Variants in BABAM2 observed in about 807,000 individuals in gnomAD.
BABAM2 encodes BRISC and BRCA1-A complex member 2.
Under a neutral mutation model 54.7 loss-of-function variants are expected in BABAM2, and 31 were observed. The observed-to-expected ratio is 0.57, with a 90% confidence interval of 0.43 to 0.77. The LOEUF (loss-of-function observed/expected upper bound fraction) is 0.77. Ranked by LOEUF, BABAM2 falls within the 30% of genes least tolerant of loss-of-function variation. The pLI is 0.00. For missense variants in BABAM2, 364 were observed against 455.8 expected, an observed-to-expected ratio of 0.80 and a Z score of 1.83; for synonymous variants, 167 against 162.9, an observed-to-expected ratio of 1.03 and a Z score of -0.19.
At chr2:28,335,040 T>G (rs1221910553) in intron 11 of BABAM2, among the ~76,000 whole-genome samples, 2 of 152,112 alleles carry the variant, frequency 1.3e-5, no homozygotes, top group African/African-American at 4.8e-5. Context: ...AGAGGGTGCT[T>G]TTTCTTACTA....
At chr2:27,950,345 A>G (rs545446647) in intron 3 of BABAM2, among the ~76,000 whole-genome samples, 2 of 152,338 alleles carry the variant, frequency 1.3e-5, no homozygotes, top group African/African-American at 4.8e-5. Context: ...AATGACTACC[A>G]CAGAAAAAAA....
intron 7 of BABAM2, among the ~76,000 whole-genome samples, chr2:28,150,540 G>A (rs1173167481): frequency 6.6e-6 from 1 of 152,216 alleles, no homozygotes; most frequent in Non-Finnish European, 1.5e-5. Flanking sequence ...TAACTAAGTG[G>A]AACTAAGGTA....
At chr2:28,211,570 G>C (rs1024083543) in intron 7 of BABAM2, among the ~76,000 whole-genome samples, 1 of 151,680 alleles carries the variant, frequency 6.6e-6, no homozygotes, top group Non-Finnish European at 1.5e-5. Context: ...TGTATTTTTA[G>C]TAGAGACAGG....
At chr2:27,890,479 G>T, upstream of BABAM2, 1 of 740,950 alleles carries the variant, frequency 1.3e-6, no homozygotes, top group Non-Finnish European at 2.2e-6. This position sits in a 1 kb window ranked among gnomAD's most constrained non-coding sequence, Gnocchi z 4.8. Flanking sequence ...CCACCTGACT[G>T]CCCGAAATCA....
chr2:28,214,543 C>T (rs868628633), intron 7 of BABAM2, among the ~76,000 whole-genome samples: 9 of 151,860 alleles, frequency 5.9e-5, no homozygotes, highest in African/African-American at 1.5e-4. Flanking sequence ...AAATAAGGGC[C>T]GTTTTATTTT....
At chr2:27,906,139 G>A (rs909109195) in intron 2 of BABAM2, among the ~76,000 whole-genome samples, 2 of 152,178 alleles carry the variant, frequency 1.3e-5, no homozygotes, top group African/African-American at 4.8e-5. Context: ...TGTGGGCAGT[G>A]TGTGGGGTCA....
At chr2:28,073,448 TGATCTTGCCA>T in intron 6 of BABAM2, among the ~76,000 whole-genome samples, 2 of 152,320 alleles carry the variant, frequency 1.3e-5, no homozygotes, top group South Asian at 4.1e-4. Context: ...AAGTAAACCA[TGATCTTGCCA>T]GTGCACTCCA....
chr2:28,070,420 G>T (rs557092990), intron 6 of BABAM2, among the ~76,000 whole-genome samples: 8 of 152,180 alleles, frequency 5.3e-5, no homozygotes, highest in Non-Finnish European at 1.2e-4. Context: ...ATGGCCATAC[G>T]CTGGCTCTCT....
chr2:28,249,554 G>A (rs1440963571), intron 10 of BABAM2, among the ~76,000 whole-genome samples: 2 of 152,192 alleles, frequency 1.3e-5, no homozygotes, highest in South Asian at 2.1e-4. Flanking sequence ...AGGTCAAGGT[G>A]AAGTACAATG....
At chr2:27,966,346 A>C (rs1052534110) in intron 3 of BABAM2, among the ~76,000 whole-genome samples, 29 of 152,326 alleles carry the variant, frequency 1.9e-4, no homozygotes, top group Admixed American at 1.9e-3. Flanking sequence ...TCCAGTTTTC[A>C]AAATAATGTG....
At chr2:28,234,954 G>A (rs762525816) in intron 7 of BABAM2, among the ~76,000 whole-genome samples, 1 of 152,210 alleles carries the variant, frequency 6.6e-6, no homozygotes, top group Non-Finnish European at 1.5e-5. Context: ...GGAAATGATG[G>A]CCTTGCTGAT....
chr2:28,110,999 C>T (rs111624064), intron 6 of BABAM2, among the ~76,000 whole-genome samples: 449 of 142,392 alleles, frequency 3.2e-3, no homozygotes, highest in African/African-American at 0.011. Context: ...GATGGAATCT[C>T]GCTTTGTCAC....
intron 10 of BABAM2, among the ~76,000 whole-genome samples, chr2:28,255,701 G>A (rs998664802): frequency 2.0e-5 from 3 of 150,718 alleles, no homozygotes; most frequent in Non-Finnish European, 3.0e-5. Flanking sequence ...GGTCTCACTC[G>A]CTCACCCAGG....
intron 7 of BABAM2, among the ~76,000 whole-genome samples, chr2:28,154,065 G>A (rs904986159): frequency 6.6e-6 from 1 of 152,156 alleles, no homozygotes; most frequent in Admixed American, 6.5e-5. Flanking sequence ...AGTTACACAA[G>A]GACAATAGAC....
At chr2:27,930,792 C>T (rs1175840676) in intron 3 of BABAM2, among the ~76,000 whole-genome samples, 2 of 152,174 alleles carry the variant, frequency 1.3e-5, no homozygotes, top group Non-Finnish European at 2.9e-5. Context: ...CAATACTGAA[C>T]CTCTAGCCTA....
intron 7 of BABAM2, among the ~76,000 whole-genome samples, chr2:28,147,246 C>T (rs1278967185): frequency 6.6e-6 from 1 of 152,202 alleles, no homozygotes; most frequent in Non-Finnish European, 1.5e-5. Context: ...GCTGTCCTGT[C>T]TTAGAAAGTC....
chr2:28,127,072 T>C (rs1337761450), intron 6 of BABAM2, among the ~76,000 whole-genome samples: 1 of 152,200 alleles, frequency 6.6e-6, no homozygotes. Context: ...GCGAAAATTT[T>C]CTCTGATTTT....
intron 5 of BABAM2, among the ~76,000 whole-genome samples, chr2:28,043,356 C>T (rs1431315603): frequency 1.3e-5 from 2 of 152,056 alleles, no homozygotes; most frequent in African/African-American, 4.8e-5. Flanking sequence ...GTCTCGAACT[C>T]CTGACCTTGT....
chr2:28,165,251 C>T (rs1172101015), intron 7 of BABAM2, among the ~76,000 whole-genome samples: 1 of 152,156 alleles, frequency 6.6e-6, no homozygotes, highest in Non-Finnish European at 1.5e-5. Context: ...TTGGCTCTGC[C>T]TCAGGCATCA....
Sources: gnomAD v4.1 joint callset for allele counts (sites outside exome capture counted in the v4.1 genomes callset) on GRCh38, gnomAD v4.1.1 for gene constraint, Gnocchi (gnomAD v3.1) non-coding constraint, MANE v1.5 for transcripts, NCBI Gene and HGNC (gene_info 2026-07-23, HGNC 2026-07-21) for gene names.